The following TRIM16 variants were observed in gnomAD, a reference collection of about 807,000 sequenced individuals.
TRIM16 encodes the protein tripartite motif-containing protein 16.
In TRIM16, 33 loss-of-function variants were observed where a neutral mutation model predicts 50.4. The ratio of observed to expected loss-of-function variants is 0.65; its 90% CI spans 0.50 to 0.88. The LOEUF (loss-of-function observed/expected upper bound fraction) is 0.88. TRIM16 is among the 40% of genes least tolerant of loss of function. The probability of loss-of-function intolerance (pLI) is 0.00; values close to 1 mark genes in which losing one functional copy is unlikely to be tolerated. For missense variants in TRIM16, 581 were observed against 686.8 expected (o/e 0.85, Z 1.72); for synonymous variants, 229 against 270.7 (o/e 0.85, Z 1.51).
chr17:15,652,455 CTTTT>C lies in TRIM16; in HGVS notation c.-337-513_-337-510del, dbSNP rs34158100. On this transcript the variant is annotated intron_variant, in intron 6 of 11. Coordinates refer to ENST00000649191, the MANE Select transcript of TRIM16 (RefSeq NM_001348119.1). ...ATTACAGGTGAGCCACGGTGCCCACCTTTTTTTTTTTTTTTTTTTTTTTTTTGAG... is the reference window on the plus strand; with the variant it reads ...ATTACAGGTGAGCCACGGTGCCCACCTTTTTTTTTTTTTTTTTTTTTTGAG... Among the ~76,000 whole-genome samples the C allele has an allele frequency of 2.2e-3, 143 of 65,392 alleles. 1 individual carries two copies. Among genetic ancestry groups the C allele is most frequent in the African/African-American group, 0.012 (136 of 11,078 alleles). 42.9% of individuals were successfully genotyped at this position (65,392 alleles called of 152,430 possible). A position where few individuals can be genotyped will look rare whatever the true frequency, so the allele number is the denominator to read the frequency against.
intron 4 of TRIM16, among the ~76,000 whole-genome samples, chr17:15,679,881 G>A (rs1989109840): frequency 1.3e-5 from 2 of 150,440 alleles, no homozygotes; most frequent in Non-Finnish European, 2.9e-5. Context: ...AGCTTGCAGT[G>A]AGCTGAGATC....
At chr17:15,650,093 T>A (rs1004055562) in intron 7 of TRIM16, among the ~76,000 whole-genome samples, 6 of 152,124 alleles carry the variant, frequency 3.9e-5, no homozygotes, top group African/African-American at 1.4e-4. Flanking sequence ...AAAATCTATG[T>A]CTAGGGATTG....
chr17:15,644,046 A>G (rs1987237224), intron 7 of TRIM16, among the ~76,000 whole-genome samples: 1 of 152,110 alleles, frequency 6.6e-6, no homozygotes, highest in Admixed American at 6.5e-5. Flanking sequence ...CCCTACTTGG[A>G]GATGGAAGAG....
At chr17:15,661,981 T>G (rs1302911092) in intron 6 of TRIM16, among the ~76,000 whole-genome samples, 1 of 152,136 alleles carries the variant, frequency 6.6e-6, no homozygotes, top group Non-Finnish European at 1.5e-5. Flanking sequence ...TCTAAATACC[T>G]CCTGGAAGAA....
chr17:15,681,988 G>A (rs1193167150), intron 3 of TRIM16, among the ~76,000 whole-genome samples: 2 of 152,100 alleles, frequency 1.3e-5, no homozygotes, highest in Non-Finnish European at 2.9e-5. Flanking sequence ...CCTGCCTACT[G>A]CCTTTACATC....
intron 6 of TRIM16, among the ~76,000 whole-genome samples, chr17:15,665,234 C>G (rs368921295): frequency 1.3e-5 from 2 of 152,074 alleles, no homozygotes; most frequent in African/African-American, 4.8e-5. Flanking sequence ...CTGTAGAGGC[C>G]GGGCGCAGTG....
intron 6 of TRIM16, among the ~76,000 whole-genome samples, chr17:15,656,211 C>T (rs1567681209): frequency 6.6e-6 from 1 of 152,062 alleles, no homozygotes; most frequent in Admixed American, 6.6e-5. Flanking sequence ...GTGACACATC[C>T]CATCAAGTCT....
intron 8 of TRIM16, among the ~76,000 whole-genome samples, chr17:15,641,806 A>G (rs1253301776): frequency 6.8e-6 from 1 of 148,014 alleles, no homozygotes; most frequent in Non-Finnish European, 1.5e-5. Flanking sequence ...GGATATAAAG[A>G]TGACAATGCT....
At position 15,651,321 on chromosome 17, in the gene TRIM16, T is replaced by A. The variant is rs781620349; in HGVS notation, c.289A>T (p.Met97Leu). The change falls in exon 7 of 12, where the codon ATG becomes TTG. Residue 97 changes from methionine (M) to leucine (L), a missense_variant. Physicochemically the swap from Met to Leu is conservative, Grantham distance 15 (BLOSUM62 2). Coordinates refer to ENST00000649191, the MANE Select transcript of TRIM16 (RefSeq NM_001348119.1). ...AAGTGCTCTTCACAGTAATTCACCA[T>A]GCAGGTTAGACAGGACTTCACTGCC... ...VKAVKSCLTC[M>L]VNYCEEHLQP... 1 of 1,614,276 alleles carries A rather than the reference T, an allele frequency of 6.2e-7. No homozygotes were observed. Among genetic ancestry groups the A allele is most frequent in the Non-Finnish European group, 8.5e-7 (1 of 1,180,052 alleles).
chr17:15,669,667 G>A (rs1227149380), intron 6 of TRIM16, among the ~76,000 whole-genome samples: 4 of 152,096 alleles, frequency 2.6e-5, no homozygotes, highest in Non-Finnish European at 5.9e-5. Context: ...GAATAGATTC[G>A]CTATTACAAT....
At chr17:15,657,007 C>T (rs1307825350) in intron 6 of TRIM16, among the ~76,000 whole-genome samples, 1 of 152,098 alleles carries the variant, frequency 6.6e-6, no homozygotes, top group Non-Finnish European at 1.5e-5. Flanking sequence ...CTCATGCAAT[C>T]CTCCCTTCAC....
At chr17:15,660,987 A>C (rs1988210594) in intron 6 of TRIM16, among the ~76,000 whole-genome samples, 1 of 151,416 alleles carries the variant, frequency 6.6e-6, no homozygotes, top group Admixed American at 6.6e-5. Context: ...AGAGTATTTT[A>C]GTAGGAAGGA....
In TRIM16 at chr17:15,628,459, G is replaced by C. The variant is rs527358132; in HGVS notation, c.*156C>G. The C allele has an allele frequency of 1.1e-4, 67 of 635,674 alleles. No individual in the cohort carries two copies. In the East Asian group the frequency reaches 1.8e-3, roughly 17 times the overall value. The allele number at this position is 635,674 out of a possible 1,614,324, so 39.4% of individuals were successfully genotyped here. On this transcript the variant is annotated 3_prime_UTR_variant, in exon 12 of 12. Coordinates refer to ENST00000649191, the MANE Select transcript of TRIM16 (RefSeq NM_001348119.1). ...AACACATAGAGAACAGCACCATATG[G>C]AGCAAAAGAGAGCAGCTGGAGAATG...
intron 6 of TRIM16, among the ~76,000 whole-genome samples, chr17:15,653,080 C>T (rs925637147): frequency 2.6e-5 from 4 of 152,236 alleles, no homozygotes; most frequent in African/African-American, 7.2e-5. Flanking sequence ...ATGAACGGCT[C>T]GGTGCCATCC....
chr17:15,640,725 T>C (rs2150907780), intron 8 of TRIM16, among the ~76,000 whole-genome samples: 2 of 148,520 alleles, frequency 1.3e-5, no homozygotes, highest in Non-Finnish European at 3.0e-5. Flanking sequence ...CGGGGGCAAA[T>C]GGTGGTGATG....
In TRIM16 at chr17:15,651,456, C is replaced by A; in HGVS notation, c.154G>T (p.Gly52Cys). 1 of 1,612,012 alleles carries A rather than the reference C, an allele frequency of 6.2e-7. No homozygotes were observed. The highest frequency in any genetic ancestry group is 2.2e-5 in the East Asian group (1 of 44,826). Residue 52 changes from glycine to cysteine, a missense_variant, in exon 7 of 12, where the codon GGC becomes TGC. Gly to Cys is a radical substitution (Grantham distance 159). Around this residue, in one of 3 missense-constraint regions of TRIM16, gnomAD observed 450 missense variants for 544.3 expected, o/e 0.83. Transcript: ENST00000649191. Reference sequence around the variant, plus strand: ...CTGTCCTGTTCCTCCGTCTCCCTGCCAAGCTTCTCCGAGGAGCCCACGTCC... The same window carrying A: ...CTGTCCTGTTCCTCCGTCTCCCTGCAAAGCTTCTCCGAGGAGCCCACGTCC... ...EEDVGSSEKL[G>C]RETEEQDSDS...
chr17:15,651,196 CA>C lies in TRIM16; in HGVS notation c.413del (p.Leu138ArgfsTer25), dbSNP rs1254839263. 4 of 1,614,234 alleles carry C rather than the reference CA, an allele frequency of 2.5e-6. No homozygotes were observed. Among genetic ancestry groups the C allele is most frequent in the Non-Finnish European group, 3.4e-6 (4 of 1,180,048 alleles). On this transcript the variant is annotated frameshift_variant, in exon 7 of 12. Coordinates refer to ENST00000649191, the MANE Select transcript of TRIM16 (RefSeq NM_001348119.1). LOFTEE classifies it high-confidence loss of function. Reference protein sequence around the residue: ...WRYCPAHHSPLSAFCCPDQQC... With the variant: ...WRYCPAHHSPXSAFCCPDQQC... Reference sequence around the variant, plus strand: ...GCTGATCAGGGCAGCAGAAGGCAGACAGTGGGCTGTGGTGGGCAGGGCAGTA... The same window carrying C: ...GCTGATCAGGGCAGCAGAAGGCAGACGTGGGCTGTGGTGGGCAGGGCAGTA...
At chr17:15,670,507 GGA>G (rs1988680000) in intron 6 of TRIM16, among the ~76,000 whole-genome samples, 1 of 152,114 alleles carries the variant, frequency 6.6e-6, no homozygotes, top group Non-Finnish European at 1.5e-5. Flanking sequence ...GGAGGTCTGT[GGA>G]AGCTCAGCTC....
At position 15,651,683 on chromosome 17, in the gene TRIM16, G is replaced by A. The variant is rs780375299; in HGVS notation, c.-74C>T. 9 of 1,560,858 alleles carry A rather than the reference G, an allele frequency of 5.8e-6. No homozygotes were observed. Among genetic ancestry groups the A allele is most frequent in the Non-Finnish European group, 7.8e-6 (9 of 1,155,574 alleles). ...GATCTGTGCAGCCCAAGTCAGACAA[G>A]AGAACCACGCCTAGATGATTGCAGC... On this transcript the variant is annotated 5_prime_UTR_variant, in exon 7 of 12. Transcript: ENST00000649191.
Sources: allele counts gnomAD v4.1 joint callset (sites outside exome capture counted in the v4.1 genomes callset), GRCh38; gene constraint gnomAD v4.1.1; regional missense constraint gnomAD v4.1.1; transcripts MANE v1.5; gene names NCBI Gene and HGNC (gene_info 2026-07-23, HGNC 2026-07-21).